GRM7: variants seen among roughly 807,000 people sequenced by gnomAD.
The protein encoded by GRM7 is glutamate metabotropic receptor 7.
In GRM7, 35 loss-of-function variants were observed where a neutral mutation model predicts 84.5. The observed-to-expected ratio is 0.41, with a 90% CI of 0.32 to 0.55. GRM7 has a LOEUF of 0.55. GRM7 is among the 20% of genes least tolerant of loss of function. GRM7 has a pLI of 0.19. For synonymous variants in GRM7, 487 were observed against 455.1 expected (o/e 1.07, Z -0.89); for missense variants, 1,003 against 1,194.6 (o/e 0.84, Z 2.36).
intron 7 of GRM7, among the ~76,000 whole-genome samples, chr3:7,560,623 T>C (rs916996787): frequency 1.3e-5 from 2 of 152,024 alleles, no homozygotes; most frequent in African/African-American, 2.4e-5. Context: ...TCACACTAGA[T>C]TTGTTGGTGC....
At chr3:7,449,033 A>T (rs779756) in intron 5 of GRM7, among the ~76,000 whole-genome samples, 122,118 of 151,898 alleles carry the variant, frequency 0.8, 49,611 homozygotes, top group Non-Finnish European at 0.86. Context: ...AATAGCCTTA[A>T]AAAATAAATA....
intron 9 of GRM7, among the ~76,000 whole-genome samples, chr3:7,728,590 G>A (rs958751775): frequency 2.6e-5 from 4 of 152,124 alleles, no homozygotes; most frequent in African/African-American, 9.7e-5. Context: ...TGGGTCCCAA[G>A]GAGCACAGGA....
At chr3:7,217,952 A>T (rs1696669844) in intron 2 of GRM7, among the ~76,000 whole-genome samples, 1 of 151,838 alleles carries the variant, frequency 6.6e-6, no homozygotes, top group Non-Finnish European at 1.5e-5. Context: ...CAAGATGTTG[A>T]TTTCTCTTAA....
intron 9 of GRM7, among the ~76,000 whole-genome samples, chr3:7,700,385 A>G (rs1029899090): frequency 6.6e-6 from 1 of 152,188 alleles, no homozygotes; most frequent in Admixed American, 6.5e-5. Flanking sequence ...TAGTAAAGAA[A>G]ATACATAACA....
At chr3:7,683,766 C>T (rs561264342) in intron 9 of GRM7, among the ~76,000 whole-genome samples, 3 of 152,190 alleles carry the variant, frequency 2.0e-5, no homozygotes, top group Non-Finnish European at 4.4e-5. Flanking sequence ...ATTAAGTAAA[C>T]TTTATTTACA....
At chr3:6,903,339 T>A (rs540998690) in intron 1 of GRM7, among the ~76,000 whole-genome samples, 160 of 152,212 alleles carry the variant, frequency 1.1e-3, no homozygotes, top group African/African-American at 3.2e-3. Flanking sequence ...TTGTATGGAT[T>A]TTTGAAAAAC....
chr3:7,704,508 T>C (rs1212966782), intron 9 of GRM7, among the ~76,000 whole-genome samples: 2 of 152,184 alleles, frequency 1.3e-5, no homozygotes, highest in African/African-American at 2.4e-5. Context: ...TTCTCTTTTA[T>C]TGAAAAAAAT....
intron 1 of GRM7, among the ~76,000 whole-genome samples, chr3:7,132,056 T>A (rs761923467): frequency 1.5e-4 from 23 of 152,178 alleles, no homozygotes; most frequent in Admixed American, 2.6e-4. Flanking sequence ...CTAAAGGAAA[T>A]CTGCCTCCTC....
chr3:7,218,003 T>C (rs886230756), intron 2 of GRM7, among the ~76,000 whole-genome samples: 4 of 152,092 alleles, frequency 2.6e-5, no homozygotes, highest in African/African-American at 9.7e-5. Flanking sequence ...ATATGTTGTA[T>C]GGCTCTATCA....
At chr3:7,374,264 A>G in intron 4 of GRM7, among the ~76,000 whole-genome samples, 1 of 152,000 alleles carries the variant, frequency 6.6e-6, no homozygotes, top group Non-Finnish European at 1.5e-5. Context: ...TTTATTATAT[A>G]TGTTTTATGC....
intron 8 of GRM7, among the ~76,000 whole-genome samples, chr3:7,639,113 C>T (rs907962387): frequency 2.0e-5 from 3 of 152,202 alleles, no homozygotes; most frequent in Non-Finnish European, 4.4e-5. Flanking sequence ...CCAGACAACT[C>T]GAAGACAATC....
intron 2 of GRM7, among the ~76,000 whole-genome samples, chr3:7,150,361 C>T (rs778684854): frequency 2.0e-5 from 3 of 152,056 alleles, no homozygotes; most frequent in South Asian, 2.1e-4. Flanking sequence ...CACCGATAAG[C>T]GCCTCTTCAT....
At chr3:7,418,011 GA>G (rs1696243609) in intron 5 of GRM7, among the ~76,000 whole-genome samples, 1 of 152,082 alleles carries the variant, frequency 6.6e-6, no homozygotes, top group Non-Finnish European at 1.5e-5. Flanking sequence ...TATTCATTAA[GA>G]AACATGAGAT....
chr3:6,905,039 G>A (rs540033128), intron 1 of GRM7, among the ~76,000 whole-genome samples: 5 of 152,068 alleles, frequency 3.3e-5, no homozygotes, highest in East Asian at 1.9e-4. Flanking sequence ...CTTAATATCC[G>A]GCAGGGCAAG....
chr3:7,376,316 G>C (rs548900473), intron 4 of GRM7, among the ~76,000 whole-genome samples: 76 of 152,196 alleles, frequency 5.0e-4, no homozygotes, highest in South Asian at 4.1e-4. Context: ...CAAGTACTCT[G>C]CTGACTGTCC....
At chr3:7,650,580 A>G (rs1316691303) in intron 8 of GRM7, among the ~76,000 whole-genome samples, 1 of 152,220 alleles carries the variant, frequency 6.6e-6, no homozygotes, top group Non-Finnish European at 1.5e-5. Context: ...CTCTGGTTCT[A>G]ATTCTGTTTC....
chr3:7,543,616 G>A (rs565774970), intron 7 of GRM7, among the ~76,000 whole-genome samples: 7 of 152,360 alleles, frequency 4.6e-5, no homozygotes, highest in East Asian at 1.9e-4. Flanking sequence ...GTGAAAAGAC[G>A]GCAGTCCATG....
At chr3:6,866,916 A>G (rs147404032) in intron 1 of GRM7, among the ~76,000 whole-genome samples, 1 of 152,290 alleles carries the variant, frequency 6.6e-6, no homozygotes, top group East Asian at 1.9e-4. Flanking sequence ...TGGGAACACT[A>G]TCTCCTCTCT....
At chr3:7,727,089 A>T (rs1257371390) in intron 9 of GRM7, among the ~76,000 whole-genome samples, 4 of 152,186 alleles carry the variant, frequency 2.6e-5, no homozygotes, top group Admixed American at 2.6e-4. Flanking sequence ...ATTTTCAAAC[A>T]TGTCCTTTTG....
Sources: gnomAD v4.1 joint callset for allele counts (sites outside exome capture counted in the v4.1 genomes callset) on GRCh38, gnomAD v4.1.1 for gene constraint, MANE v1.5 for transcripts, NCBI Gene and HGNC (gene_info 2026-07-23, HGNC 2026-07-21) for gene names.